Variants in RPS6KA5 observed in about 807,000 individuals in gnomAD.
RPS6KA5 encodes the protein ribosomal protein S6 kinase alpha-5.
A neutral mutation model predicts 85.5 loss-of-function variants in RPS6KA5; 27 were observed. The ratio of observed to expected loss-of-function variants is 0.32; its 90% CI spans 0.23 to 0.44. The LOEUF is 0.44. RPS6KA5 is among the 20% of genes least tolerant of loss of function. The probability of loss-of-function intolerance (pLI) is 1.00; values close to 1 mark genes in which losing one functional copy is unlikely to be tolerated. For missense variants in RPS6KA5, 811 were observed against 980.9 expected, an observed-to-expected ratio of 0.83 and a Z score of 2.31; for synonymous variants, 334 against 348.2, an observed-to-expected ratio of 0.96 and a Z score of 0.46.
chr14:90,978,921 G>A (rs1158312509), intron 2 of RPS6KA5, among the ~76,000 whole-genome samples: 2 of 152,050 alleles, frequency 1.3e-5, no homozygotes, highest in African/African-American at 2.4e-5. Flanking sequence ...GACAAATGAA[G>A]GCAGTTCTTA....
intron 2 of RPS6KA5, among the ~76,000 whole-genome samples, chr14:90,993,899 C>A (rs1054170001): frequency 3.3e-5 from 5 of 151,856 alleles, no homozygotes; most frequent in African/African-American, 1.2e-4. Context: ...TCTTCTCTAT[C>A]TATTCTCTAT....
intron 3 of RPS6KA5, among the ~76,000 whole-genome samples, chr14:90,964,131 C>T (rs1379460987): frequency 6.6e-6 from 1 of 152,104 alleles, no homozygotes; most frequent in African/African-American, 2.4e-5. Flanking sequence ...TAGACATTAG[C>T]ACTATTTCTA....
rs753307259 is a variant in RPS6KA5, at chr14:90,875,297, C to T, written c.1900G>A (p.Ala634Thr). Residue 634 changes from alanine to threonine, a missense_variant, in exon 15 of 17, where the codon GCG becomes ACG. Physicochemically the swap from Ala to Thr is moderately conservative, Grantham distance 58. Transcript: ENST00000614987. ...SHDRSLTCTS[A>T]VEIMKKIKKG... ...TTAATTTTCTTCATGATTTCCACCGCGCTGGTACACGTCAAACTTCGGTCA... is the reference window on the plus strand; with the variant it reads ...TTAATTTTCTTCATGATTTCCACCGTGCTGGTACACGTCAAACTTCGGTCA... The T allele has an allele frequency of 1.8e-5, 29 of 1,613,920 alleles. No individual in the cohort carries two copies. The highest frequency in any genetic ancestry group is 2.3e-5 in the Non-Finnish European group (27 of 1,179,894).
chr14:90,946,309 C>G (rs925614961), intron 4 of RPS6KA5, among the ~76,000 whole-genome samples: 5 of 152,060 alleles, frequency 3.3e-5, no homozygotes, highest in Non-Finnish European at 7.4e-5. Context: ...CTCAACCCCC[C>G]CATTACCAAA....
At chr14:91,033,855 G>A (rs184515523) in intron 1 of RPS6KA5, among the ~76,000 whole-genome samples, 3 of 151,976 alleles carry the variant, frequency 2.0e-5, no homozygotes, top group Non-Finnish European at 1.5e-5. Context: ...GTTTTTAATA[G>A]GGAAAAAGAA....
intron 1 of RPS6KA5, among the ~76,000 whole-genome samples, chr14:91,019,516 C>T (rs906165758): frequency 1.3e-5 from 2 of 152,222 alleles, no homozygotes; most frequent in Non-Finnish European, 2.9e-5. Context: ...TCCACCCTGC[C>T]TGGCCACCAT....
intron 2 of RPS6KA5, among the ~76,000 whole-genome samples, chr14:90,994,852 G>A (rs982378939): frequency 6.6e-6 from 1 of 151,648 alleles, no homozygotes; most frequent in Non-Finnish European, 1.5e-5. Flanking sequence ...GATTACAGGC[G>A]TGAGCCACCG....
intron 3 of RPS6KA5, among the ~76,000 whole-genome samples, chr14:90,971,415 T>C (rs1011850820): frequency 2.6e-5 from 4 of 152,192 alleles, no homozygotes; most frequent in South Asian, 2.1e-4. Flanking sequence ...ATATTTACCA[T>C]CTAGCCCTTC....
At chr14:91,021,420 T>A (rs955278198) in intron 1 of RPS6KA5, among the ~76,000 whole-genome samples, 8 of 152,038 alleles carry the variant, frequency 5.3e-5, no homozygotes, top group Non-Finnish European at 5.9e-5. Flanking sequence ...GCAGGAGGAT[T>A]GCTTGAGCCC....
chr14:90,971,173 C>T (rs1158008343), intron 3 of RPS6KA5, among the ~76,000 whole-genome samples: 3 of 152,016 alleles, frequency 2.0e-5, no homozygotes. Flanking sequence ...AGAAATTAGC[C>T]AGGTGAGGTG....
chr14:91,050,020 T>A (rs1012551392), intron 1 of RPS6KA5, among the ~76,000 whole-genome samples: 4 of 152,246 alleles, frequency 2.6e-5, no homozygotes, highest in Non-Finnish European at 4.4e-5. Flanking sequence ...CATGAATATA[T>A]ACATTTACAT....
At chr14:90,906,790 G>A (rs2035529876) in intron 7 of RPS6KA5, among the ~76,000 whole-genome samples, 1 of 151,306 alleles carries the variant, frequency 6.6e-6, no homozygotes, top group Non-Finnish European at 1.5e-5. Context: ...GAATGCAGAG[G>A]GAAGTCCACC....
chr14:90,993,902 T>C (rs1215224609), intron 2 of RPS6KA5, among the ~76,000 whole-genome samples: 1 of 152,152 alleles, frequency 6.6e-6, no homozygotes, highest in South Asian at 2.1e-4. Flanking sequence ...TCTCTATCTA[T>C]TCTCTATTTT....
rs946522424 is a variant in RPS6KA5, at chr14:90,862,432, TTCC to T, written c.*9639_*9641del. 6.4e-4 allele frequency: 95 copies of T among 148,710 alleles called. 3 individuals carry two copies. The East Asian group carries it at 8.9e-3, about 14-fold the overall frequency. 9.2% of individuals were successfully genotyped at this position (148,710 alleles called of 1,614,324 possible). The stretch of plus-strand genomic sequence containing the variant: ...AAAAATTACAGGTCTGTCCTTCTTC[TTCC>T]TCCTCCTCCTCCTCCTCCTCCTTCT... On this transcript the variant is annotated 3_prime_UTR_variant, in exon 17 of 17. Coordinates refer to ENST00000614987, the MANE Select transcript of RPS6KA5 (RefSeq NM_004755.4).
At chr14:90,899,950 A>T (rs2035069457) in intron 11 of RPS6KA5, among the ~76,000 whole-genome samples, 158 bp downstream of exon 11, 1 of 152,244 alleles carries the variant, frequency 6.6e-6, no homozygotes, top group Non-Finnish European at 1.5e-5. Context: ...TATCAATTAG[A>T]GCTAAAAGTA....
intron 7 of RPS6KA5, among the ~76,000 whole-genome samples, chr14:90,908,118 ACAGT>A (rs2035610812): frequency 6.6e-6 from 1 of 152,240 alleles, no homozygotes; most frequent in Non-Finnish European, 1.5e-5. Flanking sequence ...TGGGGAAAGA[ACAGT>A]CAGTCCTGCG....
chr14:91,056,822 T>G (rs1482400890), intron 1 of RPS6KA5, among the ~76,000 whole-genome samples: 1 of 143,742 alleles, frequency 7.0e-6, no homozygotes, highest in Non-Finnish European at 1.5e-5. Context: ...TTTGCTAACT[T>G]TATACTTGAA....
rs1595083585 is a variant in RPS6KA5, at chr14:90,868,553, T to A, written c.*3521A>T. ...AAGGAATATTAGATGTATTCTCACATGAACACTCAAATCATGCTATTATTA... is the reference window on the plus strand; with the variant it reads ...AAGGAATATTAGATGTATTCTCACAAGAACACTCAAATCATGCTATTATTA... On this transcript the variant is annotated 3_prime_UTR_variant, in exon 17 of 17. Transcript: ENST00000614987. 1 of 152,200 alleles carries A rather than the reference T, an allele frequency of 6.6e-6. No individual in the cohort carries two copies. The allele number at this position is 152,200 out of a possible 1,614,324, so 9.4% of individuals were successfully genotyped here.
chr14:90,969,008 TTTG>T (rs2039200623), intron 3 of RPS6KA5, among the ~76,000 whole-genome samples: 1 of 152,256 alleles, frequency 6.6e-6, no homozygotes, highest in Admixed American at 6.5e-5. Flanking sequence ...TAGATTTCAC[TTTG>T]TTATTATGAA....
Sources: gnomAD v4.1 joint callset for allele counts (sites outside exome capture counted in the v4.1 genomes callset) on GRCh38, gnomAD v4.1.1 for gene constraint, MANE v1.5 for transcripts, NCBI Gene and HGNC (gene_info 2026-07-23, HGNC 2026-07-21) for gene names.